Variants in EYS observed in about 807,000 individuals in gnomAD.
The protein encoded by EYS is EGF-like photoreceptor maintenance factor, also known as protein eyes shut homolog.
Under a neutral mutation model 282.1 loss-of-function variants are expected in EYS, and 250 were observed. The observed-to-expected ratio is 0.89, with a 90% CI of 0.80 to 0.98. The LOEUF (loss-of-function observed/expected upper bound fraction) is 0.98. Among genes scored for constraint, EYS ranks in the 50% least tolerant of loss-of-function variants. The pLI is 0.00. For synonymous variants in EYS, 1,355 were observed against 1,282.9 expected, an observed-to-expected ratio of 1.06 and a Z score of -1.20; for missense variants, 4,016 against 3,709.0, an observed-to-expected ratio of 1.08 and a Z score of -2.15.
chr6:64,716,615 T>A (rs538959688), intron 22 of EYS, among the ~76,000 whole-genome samples: 5 of 152,302 alleles, frequency 3.3e-5, no homozygotes, highest in East Asian at 1.9e-4. Flanking sequence ...ATGACAAATG[T>A]CCTTAGCAAC....
At chr6:65,415,227 T>A (rs1767183102) in intron 5 of EYS, among the ~76,000 whole-genome samples, 1 of 152,024 alleles carries the variant, frequency 6.6e-6, no homozygotes, top group South Asian at 2.1e-4. Context: ...AGGTAGTATA[T>A]AATTCCTGGC....
At chr6:65,524,749 G>GC (rs1297742892) in intron 2 of EYS, among the ~76,000 whole-genome samples, 14 of 152,338 alleles carry the variant, frequency 9.2e-5, no homozygotes, top group African/African-American at 3.4e-4. Flanking sequence ...GTAAGCCCAT[G>GC]AATGGTAGTT....
chr6:64,979,954 A>C (rs1180095214), intron 14 of EYS, among the ~76,000 whole-genome samples: 1 of 151,584 alleles, frequency 6.6e-6, no homozygotes, highest in Non-Finnish European at 1.5e-5. Context: ...GGATGTCACC[A>C]CAATAAGTGA....
rs572185645 is a variant in EYS, at chr6:63,912,097, C to T, written c.7056-47739G>A. Reference sequence around the variant, plus strand: ...AAGCCCTAGATTTAGATCTGTCTCTCGGGATTTGCAAAGTTGTAGAGAGGA... The same window carrying T: ...AAGCCCTAGATTTAGATCTGTCTCTTGGGATTTGCAAAGTTGTAGAGAGGA... On this transcript the variant is annotated intron_variant, in intron 35 of 42. Coordinates refer to ENST00000503581, the MANE Select transcript of EYS (RefSeq NM_001142800.2). Among the ~76,000 whole-genome samples the T allele has an allele frequency of 4.6e-5, 7 of 152,296 alleles. No individual in the cohort carries two copies. In the South Asian group the frequency reaches 8.3e-4, roughly 18 times the overall value.
At chr6:64,177,491 T>C (rs372266626) in intron 31 of EYS, among the ~76,000 whole-genome samples, 5 of 152,236 alleles carry the variant, frequency 3.3e-5, no homozygotes, top group South Asian at 4.1e-4. Flanking sequence ...TTTTGAAATG[T>C]CATTAATCCC....
At chr6:64,454,880 A>G (rs1034557218) in intron 26 of EYS, among the ~76,000 whole-genome samples, 6 of 152,142 alleles carry the variant, frequency 3.9e-5, no homozygotes, top group African/African-American at 1.4e-4. Flanking sequence ...GACTTCTATG[A>G]CATTTTTAAT....
chr6:64,929,017 C>G (rs993361019), intron 15 of EYS, among the ~76,000 whole-genome samples: 2 of 152,104 alleles, frequency 1.3e-5, no homozygotes, highest in African/African-American at 4.8e-5. Context: ...TGAATTGTAT[C>G]TCCCCAAAAG....
At chr6:64,271,533 A>G (rs1203161073) in intron 30 of EYS, among the ~76,000 whole-genome samples, 1 of 152,148 alleles carries the variant, frequency 6.6e-6, no homozygotes, top group African/African-American at 2.4e-5. Flanking sequence ...TTATGAAGTT[A>G]TAGAGAGAGC....
intron 29 of EYS, among the ~76,000 whole-genome samples, chr6:64,347,074 T>A (rs1249631820): frequency 6.6e-6 from 1 of 151,474 alleles, no homozygotes; most frequent in Middle Eastern, 3.4e-3. Flanking sequence ...ATCATTCATG[T>A]GGGGACAAAA....
intron 8 of EYS, among the ~76,000 whole-genome samples, chr6:65,357,641 C>T (rs1015936568): frequency 1.3e-5 from 2 of 151,876 alleles, no homozygotes; most frequent in African/African-American, 4.8e-5. Flanking sequence ...AATGACAATA[C>T]TTTGGTAATA....
At chr6:64,389,043 C>T (rs1773010364) in intron 28 of EYS, among the ~76,000 whole-genome samples, 1 of 152,024 alleles carries the variant, frequency 6.6e-6, no homozygotes, top group Non-Finnish European at 1.5e-5. Flanking sequence ...TTTGACAAAA[C>T]AACAAATTAT....
At chr6:63,875,893 T>A (rs1295077695) in intron 35 of EYS, among the ~76,000 whole-genome samples, 3 of 152,222 alleles carry the variant, frequency 2.0e-5, no homozygotes, top group Non-Finnish European at 2.9e-5. Flanking sequence ...TAGCGGTCTA[T>A]CAATTTTGTT....
intron 30 of EYS, among the ~76,000 whole-genome samples, chr6:64,233,399 T>C (rs1205421980): frequency 6.6e-6 from 1 of 152,202 alleles, no homozygotes; most frequent in East Asian, 1.9e-4. Flanking sequence ...AAATAAAATG[T>C]ATTCAATTTG....
intron 11 of EYS, among the ~76,000 whole-genome samples, chr6:65,298,939 T>C (rs1394310764): frequency 2.6e-5 from 4 of 152,066 alleles, no homozygotes; most frequent in Non-Finnish European, 5.9e-5. Context: ...TTTTAATTTG[T>C]TGTGTTAATA....
Position 63,984,526 on chromosome 6 carries a change from C to T in EYS, c.6912G>A (p.Gly2304=), listed in dbSNP as rs745961740. Residue 2304 remains glycine, a synonymous_variant, in exon 35 of 43, where the codon GGG becomes GGA. Transcript: ENST00000503581. The part of the protein sequence containing the change: ...QIHKKAGPVY[G]FRGCILDLQV... ...GAAGGTCTAGAATGCAGCCCCTGAA[C>T]CCATAAACAGGACCTGCTTTCTTAT... 85 of 1,549,506 alleles carry T rather than the reference C, an allele frequency of 5.5e-5. No individual in the cohort carries two copies. Among genetic ancestry groups the T allele is most frequent in the Non-Finnish European group, 7.2e-5 (82 of 1,145,488 alleles).
chr6:64,518,722 T>C (rs1777637081), intron 26 of EYS, among the ~76,000 whole-genome samples: 1 of 151,080 alleles, frequency 6.6e-6, no homozygotes, highest in Admixed American at 6.6e-5. Flanking sequence ...GTGAGCAGTT[T>C]CCCCCATCCT....
In EYS at chr6:64,067,230, A is replaced by AAAAGTT. The variant is rs1562183171; in HGVS notation, c.6572-740_6572-739insAACTTT. 3.3e-5 allele frequency among the ~76,000 whole-genome samples: 5 copies of AAAAGTT among 152,214 alleles called. No homozygotes were observed. In the East Asian group the frequency reaches 9.7e-4, roughly 29 times the overall value. On this transcript the variant is annotated intron_variant, in intron 32 of 42. Coordinates refer to ENST00000503581, the MANE Select transcript of EYS (RefSeq NM_001142800.2). ...GGAAGCCCATGGATCTCTCTTTTTA[A>AAAAGTT]CTTTCCTAATTGAAGTATAACTTGT...
chr6:65,348,936 T>C (rs1469970734), intron 9 of EYS, among the ~76,000 whole-genome samples: 1 of 151,568 alleles, frequency 6.6e-6, no homozygotes, highest in Non-Finnish European at 1.5e-5. Context: ...CCCATCCAAA[T>C]TTACAAAGCA....
At chr6:64,463,888 C>T (rs1775836410) in intron 26 of EYS, among the ~76,000 whole-genome samples, 1 of 152,150 alleles carries the variant, frequency 6.6e-6, no homozygotes, top group South Asian at 2.1e-4. Context: ...TCTTATCAAA[C>T]TCTCCCAAAA....
Sources: allele counts gnomAD v4.1 joint callset (sites outside exome capture counted in the v4.1 genomes callset), GRCh38; gene constraint gnomAD v4.1.1; transcripts MANE v1.5; gene names NCBI Gene and HGNC (gene_info 2026-07-23, HGNC 2026-07-21).